The following FRMD4A variants were observed in gnomAD, a reference collection of about 807,000 sequenced individuals.
The protein encoded by FRMD4A is FERM domain containing 4A, also known as FERM domain-containing protein 4A.
A neutral mutation model predicts 129.1 loss-of-function variants in FRMD4A; 29 were observed. The observed-to-expected ratio is 0.22, with a 90% confidence interval of 0.17 to 0.31. FRMD4A has a LOEUF of 0.31. Ranked by LOEUF, FRMD4A falls within the 10% of genes least tolerant of loss-of-function variation. The probability of loss-of-function intolerance (pLI) is 1.00; values close to 1 mark genes in which losing one functional copy is unlikely to be tolerated. For synonymous variants in FRMD4A, 634 were observed against 571.6 expected (o/e 1.11, Z -1.56); for missense variants, 1,272 against 1,375.8 (o/e 0.92, Z 1.19).
intron 3 of FRMD4A, among the ~76,000 whole-genome samples, chr10:13,843,319 T>G (rs2093996299): frequency 6.6e-6 from 1 of 152,164 alleles, no homozygotes; most frequent in Non-Finnish European, 1.5e-5. Context: ...TGAGAACCGC[T>G]GATTTCAATC....
chr10:14,121,037 T>C (rs1838481597), intron 2 of FRMD4A, among the ~76,000 whole-genome samples: 1 of 152,214 alleles, frequency 6.6e-6, no homozygotes, highest in Non-Finnish European at 1.5e-5. Context: ...ACTTTATCCC[T>C]GTAATGTACA....
intron 13 of FRMD4A, among the ~76,000 whole-genome samples, chr10:13,704,236 A>G (rs7905312): frequency 0.047 from 7,104 of 152,244 alleles, 423 homozygotes; most frequent in South Asian, 0.14. Context: ...CATGCTAAAT[A>G]ACTGACCTGA....
At chr10:13,914,888 C>G (rs1281325073) in intron 2 of FRMD4A, among the ~76,000 whole-genome samples, 1 of 152,100 alleles carries the variant, frequency 6.6e-6, no homozygotes, top group African/African-American at 2.4e-5. Flanking sequence ...GCAGCGTGTG[C>G]CTGTAATCAC....
At chr10:13,744,259 C>T (rs1265962974) in intron 9 of FRMD4A, among the ~76,000 whole-genome samples, 1 of 152,016 alleles carries the variant, frequency 6.6e-6, no homozygotes. Flanking sequence ...AAACTAGGCC[C>T]GCGAGGCAGA....
At chr10:14,088,448 GA>G (rs113913799) in intron 2 of FRMD4A, among the ~76,000 whole-genome samples, 4,170 of 100,916 alleles carry the variant, frequency 0.041, 95 homozygotes, top group Non-Finnish European at 0.055. Context: ...CTTCCTAAAA[GA>G]AAAAAAAAAA....
chr10:13,664,475 G>C (rs1564551552), intron 18 of FRMD4A, among the ~76,000 whole-genome samples: 1 of 151,984 alleles, frequency 6.6e-6, no homozygotes, highest in Non-Finnish European at 1.5e-5. Flanking sequence ...ATTTCCTAGA[G>C]CAAAAGAATT....
chr10:14,056,225 T>G (rs888820049), intron 2 of FRMD4A, among the ~76,000 whole-genome samples: 1 of 152,082 alleles, frequency 6.6e-6, no homozygotes, highest in Admixed American at 6.6e-5. Flanking sequence ...AGAGATAGGG[T>G]TTCTCCATGT....
At chr10:14,259,762 T>A (rs1390149632) in intron 2 of FRMD4A, among the ~76,000 whole-genome samples, 1 of 152,190 alleles carries the variant, frequency 6.6e-6, no homozygotes, top group Non-Finnish European at 1.5e-5. Flanking sequence ...TTGACTGCTA[T>A]TTTTCCATGC....
chr10:13,652,070 A>G, intron 23 of FRMD4A, 96 bp from the exon 24 acceptor site: 1 of 775,534 alleles, frequency 1.3e-6, no homozygotes, highest in East Asian at 2.4e-5. Flanking sequence ...TTATTAATAT[A>G]TCCGAAAGGC....
chr10:13,756,990 A>T (rs561215631), intron 8 of FRMD4A, among the ~76,000 whole-genome samples: 2 of 152,350 alleles, frequency 1.3e-5, no homozygotes, highest in African/African-American at 2.4e-5. Context: ...AAGAGTTTTT[A>T]AAAAAGCTTT....
At chr10:13,683,755 C>A (rs1330200705) in intron 15 of FRMD4A, among the ~76,000 whole-genome samples, 1 of 151,776 alleles carries the variant, frequency 6.6e-6, no homozygotes. Flanking sequence ...CTCTGTCGCC[C>A]AGGCTGGAGT....
chr10:14,104,022 G>T (rs747709190), intron 2 of FRMD4A, among the ~76,000 whole-genome samples: 1 of 152,172 alleles, frequency 6.6e-6, no homozygotes, highest in Non-Finnish European at 1.5e-5. Flanking sequence ...CTGTAAATTG[G>T]AGCAAATGCT....
intron 12 of FRMD4A, among the ~76,000 whole-genome samples, chr10:13,709,808 T>C (rs1226884705): frequency 6.6e-6 from 1 of 152,250 alleles, no homozygotes; most frequent in African/African-American, 2.4e-5. Context: ...GCTGTTGATA[T>C]CTTGAAATTC....
At chr10:13,739,053 C>T (rs2090832456) in intron 11 of FRMD4A, among the ~76,000 whole-genome samples, 1 of 152,170 alleles carries the variant, frequency 6.6e-6, no homozygotes, top group African/African-American at 2.4e-5. Context: ...GCAGCTTTTC[C>T]CTAATTGCCA....
intron 5 of FRMD4A, among the ~76,000 whole-genome samples, chr10:13,783,522 C>G (rs1178286515): frequency 6.7e-6 from 1 of 149,698 alleles, no homozygotes; most frequent in Non-Finnish European, 1.5e-5. Context: ...GCAGCTGAGA[C>G]TACAGTTGCA....
intron 2 of FRMD4A, among the ~76,000 whole-genome samples, chr10:14,255,507 T>C (rs888560539): frequency 6.6e-6 from 1 of 152,204 alleles, no homozygotes; most frequent in Non-Finnish European, 1.5e-5. Flanking sequence ...TACATTTTAA[T>C]GCACCACGAT....
intron 2 of FRMD4A, among the ~76,000 whole-genome samples, chr10:14,257,129 G>A (rs1422140990): frequency 2.6e-5 from 4 of 152,076 alleles, no homozygotes; most frequent in African/African-American, 7.2e-5. Flanking sequence ...TAAGGAGTTC[G>A]AGACCAGCCT....
intron 5 of FRMD4A, among the ~76,000 whole-genome samples, chr10:13,785,076 G>A (rs1057365140): frequency 9.9e-5 from 15 of 151,042 alleles, no homozygotes; most frequent in Admixed American, 8.6e-4. Flanking sequence ...AAAAACCCAC[G>A]TCTGTAGGCT....
chr10:14,058,752 C>T (rs1267956257), intron 2 of FRMD4A, among the ~76,000 whole-genome samples: 3 of 152,094 alleles, frequency 2.0e-5, no homozygotes, highest in Admixed American at 6.5e-5. Flanking sequence ...AGACCATATG[C>T]CACAGGGTCC....
Sources: gnomAD v4.1 joint callset for allele counts (sites outside exome capture counted in the v4.1 genomes callset) on GRCh38, gnomAD v4.1.1 for gene constraint, MANE v1.5 for transcripts, NCBI Gene and HGNC (gene_info 2026-07-23, HGNC 2026-07-21) for gene names.